GRK5: variants seen among roughly 807,000 people sequenced by gnomAD.
GRK5 encodes the protein G protein-coupled receptor kinase 5.
A neutral mutation model predicts 78.4 loss-of-function variants in GRK5; 40 were observed. The observed-to-expected ratio is 0.51, with a 90% CI of 0.40 to 0.66. The LOEUF (loss-of-function observed/expected upper bound fraction) is 0.66, where lower values mean the gene tolerates loss of function less well. GRK5 is among the 30% of genes least tolerant of loss of function. The pLI, the probability that GRK5 is intolerant of heterozygous loss-of-function variation, is 0.00. For synonymous variants in GRK5, 289 were observed against 296.8 expected, an observed-to-expected ratio of 0.97 and a Z score of 0.27; for missense variants, 598 against 759.9, an observed-to-expected ratio of 0.79 and a Z score of 2.50.
intron 1 of GRK5, among the ~76,000 whole-genome samples, chr10:119,262,936 A>G (rs1315210193): frequency 6.6e-6 from 1 of 152,162 alleles, no homozygotes; most frequent in African/African-American, 2.4e-5. Context: ...ATTAATAGAT[A>G]CAGCTGAGGA....
Position 119,264,231 on chromosome 10 carries a change from T to C in GRK5, c.52+56262T>C, listed in dbSNP as rs1008224731. ...TTCTGCTCAGTTCCAGCAAGGTGAC[T>C]GTCATTAGGCAGATCTCTTTCCATT... On this transcript the variant is annotated intron_variant, in intron 1 of 15. Transcript: ENST00000392870. The surrounding 1 kb of genome is among the most constrained non-coding windows in gnomAD (Gnocchi z 4.1). Among the ~76,000 whole-genome samples the C allele has an allele frequency of 6.6e-6, 1 of 152,228 alleles. No homozygotes were observed. Among genetic ancestry groups the C allele is most frequent in the Non-Finnish European group, 1.5e-5 (1 of 68,034 alleles).
chr10:119,376,307 C>T (rs1315594363), intron 2 of GRK5, among the ~76,000 whole-genome samples: 1 of 152,216 alleles, frequency 6.6e-6, no homozygotes, highest in Admixed American at 6.5e-5. Flanking sequence ...TAATTCCAAG[C>T]CTGTTGCTGG....
At chr10:119,301,406 G>A (rs966128202) in intron 1 of GRK5, among the ~76,000 whole-genome samples, 1 of 152,164 alleles carries the variant, frequency 6.6e-6, no homozygotes, top group Non-Finnish European at 1.5e-5. Flanking sequence ...GTTGTGTTTG[G>A]TTCATTCTCG....
Position 119,430,512 on chromosome 10 carries a change from CT to C in GRK5, c.597+75del. The C allele has an allele frequency of 6.9e-7, 1 of 1,446,482 alleles. No individual in the cohort carries two copies. The highest frequency in any genetic ancestry group is 9.6e-7 in the Non-Finnish European group (1 of 1,041,050). The allele number at this position is 1,446,482 out of a possible 1,614,324, so 89.6% of individuals were successfully genotyped here. Reference sequence around the variant, plus strand: ...CCTTTCCTGTCCCTTCTAAATCAACCTAAAGGGTTGGCCCACGGGTCCCCCG... The same window carrying C: ...CCTTTCCTGTCCCTTCTAAATCAACCAAAGGGTTGGCCCACGGGTCCCCCG... On this transcript the variant is annotated intron_variant, in intron 7 of 15. Coordinates refer to ENST00000392870, the MANE Select transcript of GRK5 (RefSeq NM_005308.3). The surrounding 1 kb of genome is among the most constrained non-coding windows in gnomAD (Gnocchi z 4.5).
chr10:119,374,039 A>G (rs1851588356), intron 2 of GRK5, among the ~76,000 whole-genome samples: 1 of 152,128 alleles, frequency 6.6e-6, no homozygotes, highest in African/African-American at 2.4e-5. Flanking sequence ...AGGGGGTGAG[A>G]TGCGAGATCA....
At chr10:119,394,120 GT>G (rs1851938354) in intron 3 of GRK5, among the ~76,000 whole-genome samples, 2 of 57,010 alleles carry the variant, frequency 3.5e-5, no homozygotes, top group Admixed American at 2.1e-4. Flanking sequence ...TGGGGGGTGT[GT>G]GTGTGTGTGT....
intron 2 of GRK5, among the ~76,000 whole-genome samples, chr10:119,353,385 A>G (rs1851215347): frequency 6.6e-6 from 1 of 152,286 alleles, no homozygotes; most frequent in Non-Finnish European, 1.5e-5. Flanking sequence ...CTTGGAAGGA[A>G]GTTTAGAGAG....
intron 11 of GRK5, among the ~76,000 whole-genome samples, chr10:119,442,510 A>C (rs1853058314): frequency 1.3e-5 from 2 of 152,166 alleles, no homozygotes; most frequent in Non-Finnish European, 2.9e-5. Context: ...TCCAGTAGAG[A>C]GCAGCCTTGG....
chr10:119,340,610 A>G (rs1481886649), intron 2 of GRK5, among the ~76,000 whole-genome samples: 1 of 152,234 alleles, frequency 6.6e-6, no homozygotes, highest in Non-Finnish European at 1.5e-5. Flanking sequence ...GAATTGTACC[A>G]GCCTCGACTA....
intron 2 of GRK5, among the ~76,000 whole-genome samples, chr10:119,369,630 G>A (rs911876177): frequency 2.0e-5 from 3 of 152,172 alleles, no homozygotes; most frequent in Non-Finnish European, 4.4e-5. Flanking sequence ...CACAGGTCAC[G>A]CATGGGTGTG....
At chr10:119,276,775 C>T (rs979974828) in intron 1 of GRK5, among the ~76,000 whole-genome samples, 2 of 152,118 alleles carry the variant, frequency 1.3e-5, no homozygotes, top group African/African-American at 4.8e-5. Context: ...TAGAAAACTC[C>T]AAGAAGTTGG....
rs1853388806 is a variant in GRK5 at position 119,455,543 on chromosome 10, A to AC, written c.*476_*477insC. On this transcript the variant is annotated 3_prime_UTR_variant, in exon 16 of 16. Transcript: ENST00000392870. ...TTTTAGCGGGGAGGGGGTTATCAAA[A>AC]AAAAAAAAATGTGACTCAAGACTTC... is the stretch of plus-strand genomic sequence containing the variant. 3.4e-6 allele frequency: 1 copy of AC among 293,562 alleles called. No individual in the cohort carries two copies. The highest frequency in any genetic ancestry group is 2.3e-5 in the African/African-American group (1 of 43,066). The allele number at this position is 293,562 out of a possible 1,614,324, so 18.2% of individuals were successfully genotyped here. A position where few individuals can be genotyped will look rare whatever the true frequency, so the allele number is the denominator to read the frequency against.
intron 1 of GRK5, among the ~76,000 whole-genome samples, chr10:119,212,383 T>C (rs1214574408): frequency 6.6e-6 from 1 of 152,224 alleles, no homozygotes. Flanking sequence ...GCTTGACTCT[T>C]CCAGTGCCCA....
At chr10:119,230,752 C>T (rs956441125) in intron 1 of GRK5, among the ~76,000 whole-genome samples, 3 of 144,612 alleles carry the variant, frequency 2.1e-5, no homozygotes, top group African/African-American at 7.7e-5. Context: ...AAGCGGATCA[C>T]TTGAGCCCAG....
chr10:119,249,538 C>T (rs1849167077), intron 1 of GRK5, among the ~76,000 whole-genome samples: 1 of 152,060 alleles, frequency 6.6e-6, no homozygotes. Flanking sequence ...CACTCTGTTG[C>T]CCAGGCTGGA....
intron 2 of GRK5, among the ~76,000 whole-genome samples, chr10:119,337,127 C>T (rs1335347888): frequency 6.6e-6 from 1 of 152,070 alleles, no homozygotes; most frequent in Admixed American, 6.5e-5. Context: ...CAGGCTTTTA[C>T]CCAATTGGGC....
At chr10:119,300,160 A>G (rs1850151055) in intron 1 of GRK5, among the ~76,000 whole-genome samples, 1 of 152,192 alleles carries the variant, frequency 6.6e-6, no homozygotes, top group Non-Finnish European at 1.5e-5. Context: ...AAAAATCTGC[A>G]TGTCTCATGA....
intron 8 of GRK5, among the ~76,000 whole-genome samples, chr10:119,432,705 A>T (rs2133896801): frequency 6.6e-6 from 1 of 152,302 alleles, no homozygotes. Flanking sequence ...AAAGTTGGGC[A>T]TCATTCTCCT....
At chr10:119,223,672 A>T (rs1043592438) in intron 1 of GRK5, among the ~76,000 whole-genome samples, 1 of 150,952 alleles carries the variant, frequency 6.6e-6, no homozygotes, top group Non-Finnish European at 1.5e-5. Context: ...AGCCTATCCG[A>T]TTTTAAACCA....
Sources: allele counts gnomAD v4.1 joint callset (sites outside exome capture counted in the v4.1 genomes callset), GRCh38; gene constraint gnomAD v4.1.1; non-coding constraint Gnocchi (gnomAD v3.1); transcripts MANE v1.5; gene names NCBI Gene and HGNC (gene_info 2026-07-23, HGNC 2026-07-21).